Variants in GAS7 observed in about 807,000 individuals in gnomAD.
GAS7 encodes the protein growth arrest specific 7.
GAS7 carries 28 observed loss-of-function variants against 71.1 expected under a neutral mutation model. The observed-to-expected ratio is 0.39, with a 90% CI of 0.29 to 0.54. GAS7 has a LOEUF of 0.54. Ranked by LOEUF, GAS7 falls within the 20% of genes least tolerant of loss-of-function variation. GAS7 has a pLI of 0.62. For synonymous variants in GAS7, 258 were observed against 245.8 expected (o/e 1.05, Z -0.46); for missense variants, 436 against 627.8 (o/e 0.69, Z 3.27).
At chr17:10,183,667 G>A (rs1228802621) in intron 1 of GAS7, among the ~76,000 whole-genome samples, 3 of 152,232 alleles carry the variant, frequency 2.0e-5, no homozygotes, top group African/African-American at 4.8e-5. Flanking sequence ...GTGAAACCCC[G>A]TCTCTACTAA....
At chr17:10,029,045 G>A (rs1423583989) in intron 1 of GAS7, among the ~76,000 whole-genome samples, 2 of 152,178 alleles carry the variant, frequency 1.3e-5, no homozygotes, top group South Asian at 2.1e-4. Flanking sequence ...GCTGTTCAAG[G>A]CAAAGTGGAT....
intron 2 of GAS7, among the ~76,000 whole-genome samples, chr17:10,011,822 C>G: frequency 6.6e-6 from 1 of 151,954 alleles, no homozygotes; most frequent in East Asian, 1.9e-4. Context: ...ACTAAAAATA[C>G]AAAATTAGCC....
At chr17:10,183,837 G>A (rs73279997) in intron 1 of GAS7, among the ~76,000 whole-genome samples, 62,136 of 150,728 alleles carry the variant, frequency 0.41, 13,261 homozygotes, top group African/African-American at 0.52. Flanking sequence ...GCGAGACTCC[G>A]TCTCAGGAAA....
At chr17:10,118,518 C>T (rs1310372728) in intron 1 of GAS7, among the ~76,000 whole-genome samples, 1 of 152,116 alleles carries the variant, frequency 6.6e-6, no homozygotes, top group African/African-American at 2.4e-5. Context: ...TGAGGCCAGC[C>T]TGGCCAACAC....
intron 1 of GAS7, among the ~76,000 whole-genome samples, chr17:10,153,738 G>A (rs1473323909): frequency 6.6e-6 from 1 of 152,106 alleles, no homozygotes; most frequent in East Asian, 1.9e-4. Flanking sequence ...GGAAATTGAT[G>A]TACCAAAAGG....
At chr17:9,958,924 C>G in intron 5 of GAS7, 4 of 1,347,616 alleles carry the variant, frequency 3.0e-6, no homozygotes, top group Non-Finnish European at 3.8e-6. Flanking sequence ...CGCACGCATA[C>G]CTTCCCCTCC....
chr17:9,913,668 GC>G lies in GAS7; in HGVS notation c.*3559del, dbSNP rs948029744. ...GGTGCTGAGTGGAGGTAGAAAGGAG[GC>G]CCAGGGTGGTCCCACTGACAGAATC... On this transcript the variant is annotated 3_prime_UTR_variant, in exon 14 of 14. Transcript: ENST00000432992. 20 of 230,844 alleles carry G rather than the reference GC, an allele frequency of 8.7e-5. No individual in the cohort carries two copies. Among genetic ancestry groups the G allele is most frequent in the Non-Finnish European group, 1.3e-4 (15 of 116,686 alleles). The allele number at this position is 230,844 out of a possible 1,614,324, so 14.3% of individuals were successfully genotyped here.
intron 1 of GAS7, among the ~76,000 whole-genome samples, chr17:10,097,362 G>C (rs1051413103): frequency 6.6e-6 from 1 of 152,226 alleles, no homozygotes; most frequent in Admixed American, 6.5e-5. Flanking sequence ...GAGCAGAAGA[G>C]AGACTCCCCG....
At chr17:10,040,748 A>T (rs1775524947) in intron 1 of GAS7, among the ~76,000 whole-genome samples, 1 of 152,140 alleles carries the variant, frequency 6.6e-6, no homozygotes, top group African/African-American at 2.4e-5. Context: ...TTCTCTCTGC[A>T]GTGTGGGAGG....
At position 9,959,267 on chromosome 17, in the gene GAS7, G is replaced by C. The variant is rs748226112; in HGVS notation, c.472-12C>G. 1.2e-6 allele frequency: 2 copies of C among 1,614,086 alleles called. No individual in the cohort carries two copies. On this transcript the variant is annotated splice_polypyrimidine_tract_variant and intron_variant, in intron 4 of 13. Transcript: ENST00000432992. The surrounding 1 kb of genome is among the most constrained non-coding windows in gnomAD (Gnocchi z 5.0). ...GAGGATCCCAGGTTCTGGGGAGAGA[G>C]GCAAGAAACATCGTCAAAGCTGTTC...
At chr17:10,114,048 G>A (rs1421984129) in intron 1 of GAS7, among the ~76,000 whole-genome samples, 1 of 152,046 alleles carries the variant, frequency 6.6e-6, no homozygotes, top group African/African-American at 2.4e-5. Flanking sequence ...CCGAGTAGCT[G>A]GGGCTACAGG....
intron 7 of GAS7, among the ~76,000 whole-genome samples, chr17:9,941,790 T>C (rs2068612138): frequency 6.6e-6 from 1 of 152,192 alleles, no homozygotes; most frequent in Non-Finnish European, 1.5e-5. Flanking sequence ...ACCAGTTTAA[T>C]GGGTCATAAA....
chr17:9,978,111 G>C (rs1288752444), intron 3 of GAS7, among the ~76,000 whole-genome samples: 1 of 152,096 alleles, frequency 6.6e-6, no homozygotes, highest in East Asian at 1.9e-4. Flanking sequence ...TTAATCGGGA[G>C]GCTGAGGTGA....
intron 1 of GAS7, among the ~76,000 whole-genome samples, chr17:10,100,427 T>C (rs1224430195): frequency 6.6e-6 from 1 of 152,220 alleles, no homozygotes; most frequent in African/African-American, 2.4e-5. Context: ...CCTTCAGGTC[T>C]CTACAACTTC....
chr17:10,165,055 C>G (rs1220214122), intron 1 of GAS7, among the ~76,000 whole-genome samples: 1 of 150,700 alleles, frequency 6.6e-6, no homozygotes, highest in African/African-American at 2.4e-5. Context: ...GAAGCTGAGG[C>G]AGGCGGATCA....
chr17:9,990,218 G>A (rs1055497232), intron 2 of GAS7, among the ~76,000 whole-genome samples: 18 of 152,094 alleles, frequency 1.2e-4, no homozygotes, highest in African/African-American at 2.4e-4. Context: ...GCAGTGAGCC[G>A]AGATCGCACC....
At chr17:10,075,937 AC>A (rs2073385542) in intron 1 of GAS7, among the ~76,000 whole-genome samples, 1 of 151,178 alleles carries the variant, frequency 6.6e-6, no homozygotes, top group South Asian at 2.1e-4. Context: ...CCCCACCCCT[AC>A]TAAAAATACA....
chr17:10,189,297 T>C (rs1451677308), intron 1 of GAS7, among the ~76,000 whole-genome samples: 1 of 152,098 alleles, frequency 6.6e-6, no homozygotes, highest in Non-Finnish European at 1.5e-5. Context: ...TCTCACCATC[T>C]CCACTTCCAC....
At position 9,919,969 on chromosome 17, in the gene GAS7, T is replaced by TTGTGTGTGTG. The variant is rs34994635; in HGVS notation, c.1139-274_1139-265dup. On this transcript the variant is annotated intron_variant, in intron 11 of 13. Coordinates refer to ENST00000432992, the MANE Select transcript of GAS7 (RefSeq NM_201433.2). This position sits in a 1 kb window ranked among gnomAD's most constrained non-coding sequence, Gnocchi z 5.0. ...AGGATTCAGGATGGTGGTTCTCATT[T>TTGTGTGTGTG]TGTGTGTGTGTGTGTGTGTGTGTGT... is the stretch of plus-strand genomic sequence containing the variant. 7.3e-3 allele frequency among the ~76,000 whole-genome samples: 959 copies of TTGTGTGTGTG among 131,476 alleles called. 16 individuals are homozygous for TTGTGTGTGTG. Among genetic ancestry groups the TTGTGTGTGTG allele is most frequent in the African/African-American group, 0.014 (478 of 34,342 alleles). The allele number at this position is 131,476 out of a possible 152,430, so 86.3% of individuals were successfully genotyped here. A position where few individuals can be genotyped will look rare whatever the true frequency, so the allele number is the denominator to read the frequency against.
Sources: gnomAD v4.1 joint callset for allele counts (sites outside exome capture counted in the v4.1 genomes callset) on GRCh38, gnomAD v4.1.1 for gene constraint, Gnocchi (gnomAD v3.1) non-coding constraint, MANE v1.5 for transcripts, NCBI Gene and HGNC (gene_info 2026-07-23, HGNC 2026-07-21) for gene names.